The following TMC6 variants were observed in gnomAD, a reference collection of about 807,000 sequenced individuals.
TMC6 encodes transmembrane channel like 6.
In TMC6, 71 loss-of-function variants were observed where a neutral mutation model predicts 95.4. The observed-to-expected ratio is 0.74, with a 90% CI of 0.61 to 0.91. The LOEUF (loss-of-function observed/expected upper bound fraction) is 0.91, where lower values mean the gene tolerates loss of function less well. TMC6 is among the 40% of genes least tolerant of loss of function. TMC6 has a pLI of 0.00. For missense variants in TMC6, 1,074 were observed against 1,079.1 expected (o/e 1.00, Z 0.07); for synonymous variants, 514 against 483.1 (o/e 1.06, Z -0.84).
At chr17:78,118,421 T>G (rs1369174288) in intron 15 of TMC6, among the ~76,000 whole-genome samples, 2 of 152,100 alleles carry the variant, frequency 1.3e-5, no homozygotes, top group Non-Finnish European at 2.9e-5. Context: ...CTGGGTGTGG[T>G]GGCGGGCGCC....
chr17:78,117,224 A>C (rs1356850916), intron 18 of TMC6, 45 bp downstream of exon 18: 7 of 1,601,022 alleles, frequency 4.4e-6, no homozygotes, highest in Non-Finnish European at 6.0e-6. Context: ...CCCTCAGGTG[A>C]CCTGAGAGGG....
At chr17:78,125,047 G>A (rs1437033213) in intron 6 of TMC6, 62 bp from the exon 7 acceptor site, 2 of 1,543,228 alleles carry the variant, frequency 1.3e-6, no homozygotes, top group Non-Finnish European at 1.7e-6. Flanking sequence ...CTCCTTCCTG[G>A]AGACCGGCCA....
In TMC6 at chr17:78,121,588, C is replaced by T; in HGVS notation, c.1351G>A (p.Ala451Thr). Residue 451 changes from alanine to threonine, a missense_variant, in exon 11 of 20, where the codon GCC becomes ACC. By Grantham distance (58) the Ala-to-Thr change is moderately conservative (BLOSUM62 0). Transcript: ENST00000590602. The surrounding 1 kb of genome is among the most constrained non-coding windows in gnomAD (Gnocchi z 5.6). The stretch of plus-strand genomic sequence containing the variant: ...ATGAACTCCGAGAAGACGTGGACGG[C>T]CACGGCGCAGCCCAGCGCGGTCCCC... ...CLGTALGCAV[A>T]VHVFSEFMIQ... 1 of 1,611,564 alleles carries T rather than the reference C, an allele frequency of 6.2e-7. No individual in the cohort carries two copies. The highest frequency in any genetic ancestry group is 1.1e-5 in the South Asian group (1 of 91,028).
rs2073816549 is a variant in TMC6 at position 78,111,099 on chromosome 17, C to T, written c.*2049G>A. 6.6e-6 allele frequency: 1 copy of T among 152,232 alleles called. No homozygotes were observed. Among genetic ancestry groups the T allele is most frequent in the Non-Finnish European group, 1.5e-5 (1 of 68,054 alleles). The allele number at this position is 152,232 out of a possible 1,614,324, so 9.4% of individuals were successfully genotyped here. ...CTTTCAGCTGATAGGATGAGGCCCACCCACATTCTCAAGGATGATCTTTAG... is the reference window on the plus strand; with the variant it reads ...CTTTCAGCTGATAGGATGAGGCCCATCCACATTCTCAAGGATGATCTTTAG... On this transcript the variant is annotated 3_prime_UTR_variant, in exon 20 of 20. Transcript: ENST00000590602.
intron 18 of TMC6, 171 bp from the exon 19 acceptor site, chr17:78,113,795 C>CAA: frequency 1.4e-6 from 1 of 708,620 alleles, no homozygotes; most frequent in Non-Finnish European, 2.5e-6. Flanking sequence ...AAGGAAAAAC[C>CAA]AAGAGCCAGG....
chr17:78,109,623 C>T lies in TMC6; in HGVS notation c.*3525G>A, dbSNP rs189074880. The stretch of plus-strand genomic sequence containing the variant: ...TCCGGGATGGGCAACAGAAAGACCC[C>T]ATCTCAAAAAAGCAGAAGCACATTT... On this transcript the variant is annotated 3_prime_UTR_variant, in exon 20 of 20. Coordinates refer to ENST00000590602, the MANE Select transcript of TMC6 (RefSeq NM_001127198.5). 3,630 of 448,534 alleles carry T rather than the reference C, an allele frequency of 8.1e-3. 187 individuals carry two copies. The Admixed American group carries it at 0.084, about 10-fold the overall frequency. The allele number at this position is 448,534 out of a possible 1,614,324, so 27.8% of individuals were successfully genotyped here. A position where few individuals can be genotyped will look rare whatever the true frequency, so the allele number is the denominator to read the frequency against.
rs1352011620 is a variant in TMC6 at position 78,114,740 on chromosome 17, A to G, written c.2278-1116T>C. The stretch of plus-strand genomic sequence containing the variant: ...CCATGGGCCCCTTAAGCAACAACCT[A>G]AGTAGCTTCTATCGAGTTGCTGATG... On this transcript the variant is annotated intron_variant, in intron 18 of 19. Coordinates refer to ENST00000590602, the MANE Select transcript of TMC6 (RefSeq NM_001127198.5). 2.0e-5 allele frequency among the ~76,000 whole-genome samples: 3 copies of G among 152,254 alleles called. No individual in the cohort carries two copies. In the East Asian group the frequency reaches 5.8e-4, roughly 29 times the overall value.
chr17:78,125,020 A>G (rs977608076), intron 6 of TMC6, 35 bp from the exon 7 acceptor site: 2 of 1,556,454 alleles, frequency 1.3e-6, no homozygotes, highest in African/African-American at 1.4e-5. Context: ...GCCTGGACCA[A>G]TGAGGGGCCT....
At position 78,109,472 on chromosome 17, in the gene TMC6, A is replaced by G. The variant is rs1162793219; in HGVS notation, c.*3676T>C. The G allele has an allele frequency of 2.2e-6, 1 of 456,682 alleles. No individual in the cohort carries two copies. Among genetic ancestry groups the G allele is most frequent in the Non-Finnish European group, 4.4e-6 (1 of 226,984 alleles). 28.3% of individuals were successfully genotyped at this position (456,682 alleles called of 1,614,324 possible). A position where few individuals can be genotyped will look rare whatever the true frequency, so the allele number is the denominator to read the frequency against. On this transcript the variant is annotated 3_prime_UTR_variant, in exon 20 of 20. Transcript: ENST00000590602. ...GCAGGACTGGCCCCTGAACAGCACA[A>G]GTGTAGTATGCCTGGGCCCCAGGTC...
In TMC6 at chr17:78,120,717, G is replaced by A. The variant is rs779481795; in HGVS notation, c.1651C>T (p.Arg551Trp). 46 of 1,613,860 alleles carry A rather than the reference G, an allele frequency of 2.9e-5. No homozygotes were observed. The highest frequency in any genetic ancestry group is 3.5e-5 in the Non-Finnish European group (41 of 1,180,026). ...WEDFVGQELYRFLVMDFVLML... is the reference protein window; with the variant it reads ...WEDFVGQELYWFLVMDFVLML... ...AGGACGAAGTCCATCACCAGGAACC[G>A]GTACAGCTCCTGGCCCACAAAATCC... The change falls in exon 13 of 20, where the codon CGG becomes TGG. Residue 551 changes from arginine (R) to tryptophan (W), a missense_variant. Arg to Trp is a moderately radical substitution (Grantham distance 101). Transcript: ENST00000590602.
rs1164225393 is a variant in TMC6, at chr17:78,109,809, G to A, written c.*3339C>T. The A allele has an allele frequency of 1.5e-5, 5 of 338,946 alleles. No homozygotes were observed. Among genetic ancestry groups the A allele is most frequent in the Non-Finnish European group, 1.7e-5 (3 of 171,580 alleles). The allele number at this position is 338,946 out of a possible 1,614,324, so 21.0% of individuals were successfully genotyped here. On this transcript the variant is annotated 3_prime_UTR_variant, in exon 20 of 20. Coordinates refer to ENST00000590602, the MANE Select transcript of TMC6 (RefSeq NM_001127198.5). ...CGGCCAGGCATGGTGGCTCATGCCT[G>A]TAATCCCAGCACTTTGGGAGTCCGA...
Position 78,123,600 on chromosome 17 carries a change from GGTGAATGGATGA to G in TMC6, c.1082+377_1082+388del, listed in dbSNP as rs151056830. 8.4e-3 allele frequency among the ~76,000 whole-genome samples: 1,199 copies of G among 142,118 alleles called. 28 individuals are homozygous for G. The highest frequency in any genetic ancestry group is 0.028 in the African/African-American group (1,108 of 39,010). The allele number at this position is 142,118 out of a possible 152,430, so 93.2% of individuals were successfully genotyped here. A position where few individuals can be genotyped will look rare whatever the true frequency, so the allele number is the denominator to read the frequency against. On this transcript the variant is annotated intron_variant, in intron 9 of 19. Coordinates refer to ENST00000590602, the MANE Select transcript of TMC6 (RefSeq NM_001127198.5). ...GAATGTGTGAATGGATGGATGGGTG[GGTGAATGGATGA>G]ATGGGTGGATGGGTGGATGGGTGGG...
rs749657326 is a variant in TMC6, at chr17:78,120,754, G to A, written c.1614C>T (p.Gly538=). Residue 538 remains glycine, a synonymous_variant, in exon 13 of 20, where the codon GGC becomes GGT. Transcript: ENST00000590602. ...GGCCCACAAAATCCTCCCAGCACTG[G>A]CCCTGCAGGACGCCCACCCTGCGGC... ...WLGRRVGVLQ[G]QCWEDFVGQE... The A allele has an allele frequency of 3.1e-6, 5 of 1,613,446 alleles. No individual in the cohort carries two copies. The African/African-American group carries it at 5.3e-5, about 17-fold the overall frequency.
intron 18 of TMC6, among the ~76,000 whole-genome samples, chr17:78,115,632 G>C (rs1204535212): frequency 1.4e-5 from 2 of 146,596 alleles, no homozygotes; most frequent in Non-Finnish European, 1.5e-5. Flanking sequence ...AAGGGAGTGG[G>C]CACAGGGGCG....
At position 78,119,282 on chromosome 17, in the gene TMC6, G is replaced by C; in HGVS notation, c.1811+15C>G. On this transcript the variant is annotated intron_variant, in intron 14 of 19. Coordinates refer to ENST00000590602, the MANE Select transcript of TMC6 (RefSeq NM_001127198.5). ...CGAGGGGCCAGACAGTAGGAGGCAA[G>C]CAGAGGACCCTCACCAGGTCAGAGT... is the stretch of plus-strand genomic sequence containing the variant. 6.2e-7 allele frequency: 1 copy of C among 1,613,802 alleles called. No individual in the cohort carries two copies. The highest frequency in any genetic ancestry group is 8.5e-7 in the Non-Finnish European group (1 of 1,179,910).
chr17:78,124,206 A>G, intron 8 of TMC6, 27 bp from the exon 9 acceptor site: 2 of 1,610,242 alleles, frequency 1.2e-6, no homozygotes, highest in Middle Eastern at 2.2e-4. Flanking sequence ...CAGCCGAGTC[A>G]GGGACTTTCC....
chr17:78,120,313 C>T (rs1417422743), intron 13 of TMC6: 7 of 403,706 alleles, frequency 1.7e-5, no homozygotes, highest in Admixed American at 5.7e-5. Context: ...GTGTGCGCCA[C>T]CACGCCCTGC....
In TMC6 at chr17:78,110,672, C is replaced by T. The variant is rs567955136; in HGVS notation, c.*2476G>A. ...CTGAAAATAGCATCAAGTTCCCATCCACTCGAACAACAGTTTGTAGATCTT... is the reference window on the plus strand; with the variant it reads ...CTGAAAATAGCATCAAGTTCCCATCTACTCGAACAACAGTTTGTAGATCTT... On this transcript the variant is annotated 3_prime_UTR_variant, in exon 20 of 20. Transcript: ENST00000590602. 1 of 152,380 alleles carries T rather than the reference C, an allele frequency of 6.6e-6. No homozygotes were observed. The highest frequency in any genetic ancestry group is 1.9e-4 in the East Asian group (1 of 5,180). 9.4% of individuals were successfully genotyped at this position (152,380 alleles called of 1,614,324 possible).
intron 18 of TMC6, among the ~76,000 whole-genome samples, chr17:78,116,330 G>A (rs146668271): frequency 0.01 from 1,503 of 147,768 alleles, 15 homozygotes; most frequent in Non-Finnish European, 0.015. Context: ...AGGCTGGAGC[G>A]CAGTGGCACA....
Sources: gnomAD v4.1 joint callset for allele counts (sites outside exome capture counted in the v4.1 genomes callset) on GRCh38, gnomAD v4.1.1 for gene constraint, Gnocchi (gnomAD v3.1) non-coding constraint, MANE v1.5 for transcripts, NCBI Gene and HGNC (gene_info 2026-07-23, HGNC 2026-07-21) for gene names.